COL14A1: variants seen among roughly 807,000 people sequenced by gnomAD.
COL14A1 encodes collagen type XIV alpha 1 chain, also known as collagen alpha-1(XIV) chain.
COL14A1 carries 136 observed loss-of-function variants against 230.3 expected under a neutral mutation model. That is an observed-to-expected ratio of 0.59 (90% CI 0.51 to 0.68). The LOEUF is 0.68. Ranked by LOEUF, COL14A1 falls within the 30% of genes least tolerant of loss-of-function variation. COL14A1 has a pLI of 0.00. For synonymous variants in COL14A1, 792 were observed against 784.1 expected (o/e 1.01, Z -0.17); for missense variants, 1,976 against 2,215.8 (o/e 0.89, Z 2.17).
At chr8:120,348,219 G>A (rs1317446942) in intron 45 of COL14A1, among the ~76,000 whole-genome samples, 2 of 148,202 alleles carry the variant, frequency 1.3e-5, no homozygotes. Flanking sequence ...GTATATATAT[G>A]AAGCATATAT....
At chr8:120,172,089 C>A (rs1377737322) in intron 5 of COL14A1, among the ~76,000 whole-genome samples, 1 of 152,018 alleles carries the variant, frequency 6.6e-6, no homozygotes, top group Non-Finnish European at 1.5e-5. Flanking sequence ...TAATCATGAT[C>A]ATTTTATATT....
intron 2 of COL14A1, among the ~76,000 whole-genome samples, chr8:120,152,566 A>G (rs1252988318): frequency 6.6e-6 from 1 of 151,646 alleles, no homozygotes; most frequent in Non-Finnish European, 1.5e-5. Flanking sequence ...TAGTCTCTCC[A>G]TGGAATATTT....
chr8:120,267,280 C>T (rs1466101505), intron 25 of COL14A1, among the ~76,000 whole-genome samples: 1 of 151,886 alleles, frequency 6.6e-6, no homozygotes, highest in African/African-American at 2.4e-5. Context: ...TCCTCATCAC[C>T]TTTTACCTAA....
chr8:120,180,511 A>G (rs572444835), intron 5 of COL14A1, among the ~76,000 whole-genome samples: 107 of 152,314 alleles, frequency 7.0e-4, no homozygotes, highest in Non-Finnish European at 1.2e-3. Flanking sequence ...TAACTGAAGT[A>G]TGGCTGGACC....
At chr8:120,141,762 T>G (rs1814921750) in intron 1 of COL14A1, among the ~76,000 whole-genome samples, 1 of 152,166 alleles carries the variant, frequency 6.6e-6, no homozygotes, top group Non-Finnish European at 1.5e-5. Context: ...ACTGCTTTGA[T>G]GAGAATAGAG....
Position 120,207,050 on chromosome 8 carries a change from T to C in COL14A1, c.1147T>C (p.Tyr383His). The stretch of plus-strand genomic sequence containing the variant: ...TCATGCCCCAGGAAATGTGGAAAAA[T>C]ACAGAGTTGTGTATTATCCTACCAG... Reference protein sequence around the residue: ...WTHAPGNVEKYRVVYYPTRGG... With the variant: ...WTHAPGNVEKHRVVYYPTRGG... Residue 383 changes from tyrosine to histidine, a missense_variant, in exon 10 of 48, where the codon TAC becomes CAC. By Grantham distance (83) the Tyr-to-His change is moderately conservative. Around this residue, in one of 3 missense-constraint regions of COL14A1, gnomAD observed 1,791 missense variants for 2,019.5 expected, o/e 0.89. Transcript: ENST00000297848. 1 of 1,613,806 alleles carries C rather than the reference T, an allele frequency of 6.2e-7. No individual in the cohort carries two copies. Among genetic ancestry groups the C allele is most frequent in the South Asian group, 1.1e-5 (1 of 91,028 alleles).
chr8:120,311,226 G>A (rs966114562), intron 37 of COL14A1, among the ~76,000 whole-genome samples: 3 of 152,136 alleles, frequency 2.0e-5, no homozygotes, highest in African/African-American at 4.8e-5. Context: ...TTATGGTGCT[G>A]TAAGAAGGGC....
chr8:120,227,431 G>A, intron 17 of COL14A1, 79 bp downstream of exon 17: 1 of 1,552,086 alleles, frequency 6.4e-7, no homozygotes, highest in Non-Finnish European at 8.8e-7. Context: ...TTCCCCATCT[G>A]CTTTATCTTT....
intron 14 of COL14A1, among the ~76,000 whole-genome samples, chr8:120,223,548 T>G (rs1291297823): frequency 1.3e-5 from 2 of 152,108 alleles, no homozygotes; most frequent in African/African-American, 4.8e-5. Flanking sequence ...CGCATGCCTG[T>G]AATCCCAGCT....
At chr8:120,247,125 A>T (rs1818790582) in intron 20 of COL14A1, among the ~76,000 whole-genome samples, 1 of 152,218 alleles carries the variant, frequency 6.6e-6, no homozygotes, top group African/African-American at 2.4e-5. Context: ...ATTATTTCCC[A>T]TATATTTAAT....
chr8:120,251,461 C>T (rs745889426), intron 22 of COL14A1, among the ~76,000 whole-genome samples: 1 of 152,142 alleles, frequency 6.6e-6, no homozygotes, highest in Non-Finnish European at 1.5e-5. Flanking sequence ...TACATGCCAC[C>T]CCATTCTCAG....
At chr8:120,205,033 G>A (rs1038994235) in intron 9 of COL14A1, among the ~76,000 whole-genome samples, 2 of 152,030 alleles carry the variant, frequency 1.3e-5, no homozygotes, top group Non-Finnish European at 2.9e-5. Context: ...CCCTATTACA[G>A]CCAAAAAAGG....
chr8:120,368,421 C>CA (rs533862000), intron 46 of COL14A1, among the ~76,000 whole-genome samples: 1 of 151,996 alleles, frequency 6.6e-6, no homozygotes, highest in South Asian at 2.1e-4. Flanking sequence ...TTACACATTA[C>CA]ACAGAATGGG....
chr8:120,172,263 G>A (rs1816118887), intron 5 of COL14A1, among the ~76,000 whole-genome samples: 1 of 152,024 alleles, frequency 6.6e-6, no homozygotes, highest in African/African-American at 2.4e-5. Flanking sequence ...TGAGTCTCCT[G>A]CCTCAGCCTC....
intron 1 of COL14A1, among the ~76,000 whole-genome samples, chr8:120,139,854 T>C (rs1204806944): frequency 2.6e-5 from 4 of 151,850 alleles, no homozygotes; most frequent in African/African-American, 4.8e-5. Context: ...TGAGATCCTG[T>C]CTTTATAAAA....
At chr8:120,194,005 GTGAGGCAATGCCT>G in intron 5 of COL14A1, among the ~76,000 whole-genome samples, 1 of 152,154 alleles carries the variant, frequency 6.6e-6, no homozygotes, top group Non-Finnish European at 1.5e-5. Context: ...CGCTTCCCGG[GTGAGGCAATGCCT>G]CGCCCTGCTT....
Position 120,255,287 on chromosome 8 carries a change from A to G in COL14A1, c.2800A>G (p.Ser934Gly). The change falls in exon 23 of 48, where the codon AGC becomes GGC. Residue 934 changes from serine (S) to glycine (G), a missense_variant. Around this residue, in one of 3 missense-constraint regions of COL14A1, gnomAD observed 1,791 missense variants for 2,019.5 expected, o/e 0.89. Transcript: ENST00000297848. ...CCAAGCCAAACATGTTGAAATGACC[A>G]GCTTGTGTGCCCACTGGCAGGTACA... is the stretch of plus-strand genomic sequence containing the variant. ...NLQAKHVEMT[S>G]LCAHWQVHRH... is the part of the protein sequence containing the mutation. 6.2e-7 allele frequency: 1 copy of G among 1,614,198 alleles called. No individual in the cohort carries two copies. Among genetic ancestry groups the G allele is most frequent in the South Asian group, 1.1e-5 (1 of 91,092 alleles).
At chr8:120,128,218 TGTGC>T (rs1203642460) in intron 1 of COL14A1, among the ~76,000 whole-genome samples, 31 of 98,708 alleles carry the variant, frequency 3.1e-4, no homozygotes, top group Admixed American at 3.6e-4. Context: ...TGTGTGTGTG[TGTGC>T]GCGCGCGTGT....
chr8:120,168,932 T>A (rs960888977), intron 5 of COL14A1, among the ~76,000 whole-genome samples: 12 of 152,172 alleles, frequency 7.9e-5, no homozygotes, highest in Non-Finnish European at 1.6e-4. Context: ...CTCGGCTCAC[T>A]GCAACCTCCG....
Sources: gnomAD v4.1 joint callset for allele counts (sites outside exome capture counted in the v4.1 genomes callset) on GRCh38, gnomAD v4.1.1 for gene constraint, gnomAD v4.1.1 regional missense constraint, MANE v1.5 for transcripts, NCBI Gene and HGNC (gene_info 2026-07-23, HGNC 2026-07-21) for gene names.